MUC6: variants seen among roughly 807,000 people sequenced by gnomAD.
MUC6 encodes mucin 6, oligomeric mucus/gel-forming (gene/pseudogene).
A neutral mutation model predicts 201.5 loss-of-function variants in MUC6; 188 were observed. The ratio of observed to expected loss-of-function variants is 0.93; its 90% CI spans 0.83 to 1.05. MUC6 has a LOEUF of 1.05. Among genes scored for constraint, MUC6 ranks in the 50% least tolerant of loss-of-function variants. The pLI, the probability that MUC6 is intolerant of heterozygous loss-of-function variation, is 0.00. For synonymous variants in MUC6, 1,228 were observed against 1,389.4 expected (o/e 0.88, Z 2.58); for missense variants, 2,706 against 3,256.9 (o/e 0.83, Z 4.12).
rs746688401 is a variant in MUC6 at position 1,018,605 on chromosome 11, G to A, written c.4196C>T (p.Thr1399Met). The change falls in exon 31 of 33, where the codon ACG (threonine) becomes ATG (methionine). Residue 1399 changes from threonine (T) to methionine (M), a missense_variant. By Grantham distance (81) the Thr-to-Met change is moderately conservative. Transcript: ENST00000421673. ...TQTRTTTEYT[T>M]PQTPHTTHSP... Reference sequence around the variant, plus strand: ...GTGTGTGGTGTGTGGGGTTTGGGGCGTTGTGTATTCAGTAGTCGTTCTTGT... The same window carrying A: ...GTGTGTGGTGTGTGGGGTTTGGGGCATTGTGTATTCAGTAGTCGTTCTTGT... 3.2e-5 allele frequency: 51 copies of A among 1,613,170 alleles called. No homozygotes were observed. The highest frequency in any genetic ancestry group is 4.2e-5 in the Non-Finnish European group (49 of 1,179,648).
Position 1,027,054 on chromosome 11 carries a change from C to T in MUC6, c.2285-4G>A. On this transcript the variant is annotated splice_region_variant and splice_polypyrimidine_tract_variant and intron_variant, in intron 18 of 32. Transcript: ENST00000421673. ...GTCTTAGGGGCCTGGCAGGAGGCTG[C>T]AGGAAAGAGGGGTGCGCGGTCAGGA... is the stretch of plus-strand genomic sequence containing the variant. The T allele has an allele frequency of 1.9e-6, 3 of 1,604,018 alleles. No individual in the cohort carries two copies. The highest frequency in any genetic ancestry group is 2.6e-6 in the Non-Finnish European group (3 of 1,176,084).
chr11:1,030,146 A>G, intron 8 of MUC6, 67 bp downstream of exon 8: 1 of 1,479,212 alleles, frequency 6.8e-7, no homozygotes, highest in South Asian at 1.3e-5. Flanking sequence ...GTGGGGTCTG[A>G]CGTCCCCTTG....
At chr11:1,030,366 T>TTCCCCCCCCC in intron 7 of MUC6, 31 bp from the exon 8 acceptor site, 1 of 1,489,590 alleles carries the variant, frequency 6.7e-7, no homozygotes. Context: ...GGTGAGAGGG[T>TTCCCCCCCCC]CCCACCCCCC....
At chr11:1,019,149 G>C in intron 30 of MUC6, 126 bp downstream of exon 30, 1 of 1,131,434 alleles carries the variant, frequency 8.8e-7, no homozygotes, top group Non-Finnish European at 1.3e-6. Context: ...CTACACTTTT[G>C]GGCTGCCTTC....
Position 1,031,275 on chromosome 11 carries a change from C to T in MUC6, c.484-16G>A. 6.4e-7 allele frequency: 1 copy of T among 1,554,424 alleles called. No individual in the cohort carries two copies. ...CCACCAGAACCTGCGGGAGACGGCT[C>T]TGCTGGGGGCCCGGGGGCCAGGGGC... On this transcript the variant is annotated splice_polypyrimidine_tract_variant and intron_variant, in intron 4 of 32. Coordinates refer to ENST00000421673, the MANE Select transcript of MUC6 (RefSeq NM_005961.3).
chr11:1,030,701 T>C lies in MUC6; in HGVS notation c.764A>G (p.Gln255Arg). The C allele has an allele frequency of 6.5e-7, 1 of 1,548,186 alleles. No individual in the cohort carries two copies. Among genetic ancestry groups the C allele is most frequent in the Non-Finnish European group, 8.7e-7 (1 of 1,148,576 alleles). The part of the protein sequence containing the change: ...VSKEPFVLSC[Q>R]ADVAAAPQPG... ...CTGGGGGGCTGCGGCCACGTCCGCCTGGCAGCTTAGCACGAAGGGCTCCTT... is the reference window on the plus strand; with the variant it reads ...CTGGGGGGCTGCGGCCACGTCCGCCCGGCAGCTTAGCACGAAGGGCTCCTT... Residue 255 changes from glutamine (Q) to arginine (R), a missense_variant, in exon 7 of 33, where the codon CAG (glutamine) becomes CGG (arginine). Transcript: ENST00000421673.
At chr11:1,021,368 CTTTTTT>C in intron 26 of MUC6, 91 bp from the exon 27 acceptor site, 83 of 448,750 alleles carry the variant, frequency 1.8e-4, no homozygotes, top group South Asian at 6.6e-4. Flanking sequence ...TTCCTCTCTG[CTTTTTT>C]TTTTTTTTTT....
intron 1 of MUC6, among the ~76,000 whole-genome samples, chr11:1,035,202 GATTATTTGCT>G (rs1857191458): frequency 1.3e-5 from 2 of 152,236 alleles, no homozygotes; most frequent in South Asian, 4.1e-4. Context: ...GGCGCTCAGA[GATTATTTGCT>G]GGGGTGACGG....
Position 1,028,641 on chromosome 11 carries a change from C to G in MUC6, c.1591+5G>C, listed in dbSNP as rs775551218. The G allele has an allele frequency of 1.2e-6, 2 of 1,606,644 alleles. No individual in the cohort carries two copies. The highest frequency in any genetic ancestry group is 1.7e-6 in the Non-Finnish European group (2 of 1,177,312). On this transcript the variant is annotated splice_donor_5th_base_variant and intron_variant, in intron 13 of 32. Coordinates refer to ENST00000421673, the MANE Select transcript of MUC6 (RefSeq NM_005961.3). ...ACAGGGCCACCTGGAGAGGCAGGGA[C>G]TCACCTCTGGTCTGACCTCTGAACT... is the stretch of plus-strand genomic sequence containing the variant.
In MUC6 at chr11:1,029,502, G is replaced by A; in HGVS notation, c.1129C>T (p.Gln377Ter). Residue 377 changes from glutamine to a stop codon, truncating the protein, a stop_gained, in exon 9 of 33, where the codon CAA (glutamine) becomes TAA (stop). Transcript: ENST00000421673. LOFTEE classifies it high-confidence loss of function. ...APGEVTIAACQTCRCTLGRWV... is the reference protein window; with the variant it reads ...APGEVTIAAC ...CTCCGGCGCCTCACTCACCAGGTTTGGCAGGCAGCTATTGTGACCTCCCCG... is the reference window on the plus strand; with the variant it reads ...CTCCGGCGCCTCACTCACCAGGTTTAGCAGGCAGCTATTGTGACCTCCCCG... The A allele has an allele frequency of 6.2e-7, 1 of 1,612,262 alleles. No individual in the cohort carries two copies. The highest frequency in any genetic ancestry group is 1.7e-5 in the Admixed American group (1 of 59,970).
rs765679710 is a variant in MUC6 at position 1,028,056 on chromosome 11, A to T, written c.1757T>A (p.Val586Glu). ...CATGGAGCAGTGGGTCTCTGCACAC[A>T]CCTCTGGGGATGACAGGCCCGGGCG... ...DPCSMSQLNK[V>E]CAETHCSMLL... Residue 586 changes from valine to glutamate, a missense_variant, in exon 15 of 33, where the codon GTG becomes GAG. By Grantham distance (121) the Val-to-Glu change is moderately radical. Coordinates refer to ENST00000421673, the MANE Select transcript of MUC6 (RefSeq NM_005961.3). The T allele has an allele frequency of 6.4e-7, 1 of 1,571,354 alleles. No individual in the cohort carries two copies. The highest frequency in any genetic ancestry group is 8.6e-7 in the Non-Finnish European group (1 of 1,158,846).
Position 1,025,237 on chromosome 11 carries a change from G to A in MUC6, c.2930C>T (p.Thr977Met), listed in dbSNP as rs1856926943. Residue 977 changes from threonine to methionine, a missense_variant, in exon 23 of 33, where the codon ACG becomes ATG. Physicochemically the swap from Thr to Met is moderately conservative, Grantham distance 81. Around this residue, in one of 10 missense-constraint regions of MUC6, gnomAD observed 1,850 missense variants for 1,958.3 expected, o/e 0.94. Transcript: ENST00000421673. Reference sequence around the variant, plus strand: ...GGTCATGTGCCTGTTCCAGATGAGCGTCAGGTTGTACCTCCCGGGGATGCT... The same window carrying A: ...GGTCATGTGCCTGTTCCAGATGAGCATCAGGTTGTACCTCCCGGGGATGCT... ...DISIPGRYNL[T>M]LIWNRHMTIL... The A allele has an allele frequency of 2.5e-5, 41 of 1,612,676 alleles. No individual in the cohort carries two copies. Among genetic ancestry groups the A allele is most frequent in the Non-Finnish European group, 3.5e-5 (41 of 1,179,828 alleles).
Position 1,026,601 on chromosome 11 carries a change from C to G in MUC6, c.2395-123G>C, listed in dbSNP as rs537126720. On this transcript the variant is annotated intron_variant, in intron 19 of 32. Coordinates refer to ENST00000421673, the MANE Select transcript of MUC6 (RefSeq NM_005961.3). ...TCCTCTCCCTGAATACAGCCCTGCT[C>G]TGTGGCCTTTGTGGGCAGCTGGGCT... is the stretch of plus-strand genomic sequence containing the variant. The G allele has an allele frequency of 3.3e-6, 4 of 1,227,928 alleles. No homozygotes were observed. In the East Asian group the frequency reaches 7.8e-5, roughly 24 times the overall value. The allele number at this position is 1,227,928 out of a possible 1,614,324, so 76.1% of individuals were successfully genotyped here. A position where few individuals can be genotyped will look rare whatever the true frequency, so the allele number is the denominator to read the frequency against.
intron 31 of MUC6, among the ~76,000 whole-genome samples, chr11:1,015,417 C>G (rs1856579601): frequency 6.6e-6 from 1 of 152,172 alleles, no homozygotes; most frequent in Non-Finnish European, 1.5e-5. Context: ...CTCTGAGCAA[C>G]CAAAGGGGCA....
rs1434263470 is a variant in MUC6, at chr11:1,029,076, G to A, written c.1350C>T (p.Ser450=). 2 of 1,612,748 alleles carry A rather than the reference G, an allele frequency of 1.2e-6. No homozygotes were observed. Among genetic ancestry groups the A allele is most frequent in the African/African-American group, 1.3e-5 (1 of 74,930 alleles). The change falls in exon 11 of 33, where the codon TCC becomes TCT. Residue 450 remains serine, a synonymous_variant. Coordinates refer to ENST00000421673, the MANE Select transcript of MUC6 (RefSeq NM_005961.3). ...TGGAGAGGTAGACCACAGCCACCAG[G>A]GAGGTCTCGGAGTGTGAGACGCCGG... ...DKSGVSHSET[S]LVAVVYLSRQ...
intron 27 of MUC6, 95 bp downstream of exon 27, chr11:1,021,120 C>T: frequency 8.1e-7 from 1 of 1,241,800 alleles, no homozygotes; most frequent in Non-Finnish European, 1.1e-6. Context: ...GCTCACAGCC[C>T]CCGAGGGCTC....
rs200723388 is a variant in MUC6 at position 1,025,211 on chromosome 11, T to C, written c.2956A>G (p.Ile986Val). The C allele has an allele frequency of 6.6e-4, 1,063 of 1,612,626 alleles. 11 individuals are homozygous for C. In the African/African-American group the frequency reaches 0.013, roughly 20 times the overall value. Residue 986 changes from isoleucine (I) to valine (V), a missense_variant, in exon 23 of 33, where the codon ATC becomes GTC. Ile to Val is a conservative substitution (Grantham distance 29, BLOSUM62 3). This residue lies in a region of MUC6 where 1,850 missense variants were observed against 1,958.3 expected (regional missense o/e 0.94). Transcript: ENST00000421673. Reference sequence around the variant, plus strand: ...GAGGCACGGGCGATCCTGATGAGGATGGTCATGTGCCTGTTCCAGATGAGC... The same window carrying C: ...GAGGCACGGGCGATCCTGATGAGGACGGTCATGTGCCTGTTCCAGATGAGC... ...LTLIWNRHMT[I>V]LIRIARASQD... is the part of the protein sequence containing the mutation.
Position 1,023,583 on chromosome 11 carries a change from G to A in MUC6, c.3452C>T (p.Ala1151Val), listed in dbSNP as rs376097286. The A allele has an allele frequency of 3.7e-6, 6 of 1,612,530 alleles. No homozygotes were observed. In the African/African-American group the frequency reaches 8.0e-5, roughly 22 times the overall value. The change falls in exon 26 of 33, where the codon GCC becomes GTC. Residue 1151 changes from alanine to valine, a missense_variant. This residue lies in a region of MUC6 where 1,850 missense variants were observed against 1,958.3 expected (regional missense o/e 0.94). Transcript: ENST00000421673. ...GGGCTGGTAGTGCCACGTGCAGTTG[G>A]CCTCCTGTGTGTACTGGTACTCGCC... ...GHGEYQYTQE[A>V]NCTWHYQPCL...
At chr11:1,025,389 G>A in intron 22 of MUC6, 22 bp from the exon 23 acceptor site, 1 of 1,598,564 alleles carries the variant, frequency 6.3e-7, no homozygotes, top group East Asian at 2.2e-5. Flanking sequence ...GGTTGGCATA[G>A]GACTGCCTGT....
Sources: gnomAD v4.1 joint callset for allele counts (sites outside exome capture counted in the v4.1 genomes callset) on GRCh38, gnomAD v4.1.1 for gene constraint, gnomAD v4.1.1 regional missense constraint, MANE v1.5 for transcripts, NCBI Gene and HGNC (gene_info 2026-07-23, HGNC 2026-07-21) for gene names.